The following MYO1B variants were observed in gnomAD, a reference collection of about 807,000 sequenced individuals.
MYO1B encodes the protein unconventional myosin-Ib.
A neutral mutation model predicts 159.7 loss-of-function variants in MYO1B; 72 were observed. The ratio of observed to expected loss-of-function variants is 0.45; its 90% CI spans 0.37 to 0.55. The LOEUF (loss-of-function observed/expected upper bound fraction) is 0.55. Ranked by LOEUF, MYO1B falls within the 20% of genes least tolerant of loss-of-function variation. The probability of loss-of-function intolerance (pLI) is 0.00; values close to 1 mark genes in which losing one functional copy is unlikely to be tolerated. For synonymous variants in MYO1B, 468 were observed against 473.8 expected, an observed-to-expected ratio of 0.99 and a Z score of 0.16; for missense variants, 1,062 against 1,364.8, an observed-to-expected ratio of 0.78 and a Z score of 3.50.
intron 1 of MYO1B, chr2:191,263,715 A>G (rs978153150): frequency 2.0e-5 from 3 of 152,178 alleles, no homozygotes; most frequent in African/African-American, 2.4e-5. Context: ...GGATTTTCCT[A>G]TAGCTTTACA....
At chr2:191,313,529 C>T (rs536289940) in intron 3 of MYO1B, among the ~76,000 whole-genome samples, 87 of 152,050 alleles carry the variant, frequency 5.7e-4, no homozygotes, top group South Asian at 1.0e-3. Flanking sequence ...GGACTACAGG[C>T]GCCCGCCACC....
intron 26 of MYO1B, among the ~76,000 whole-genome samples, chr2:191,409,534 C>G (rs541456907): frequency 6.6e-6 from 1 of 152,288 alleles, no homozygotes; most frequent in South Asian, 2.1e-4. Context: ...ATTTGGACAC[C>G]TTCAGGCAAC....
intron 13 of MYO1B, among the ~76,000 whole-genome samples, chr2:191,379,580 T>G (rs1694922435): frequency 6.6e-6 from 1 of 152,194 alleles, no homozygotes; most frequent in Non-Finnish European, 1.5e-5. Context: ...CACTAGTGCT[T>G]TCCTTTCCTT....
intron 4 of MYO1B, among the ~76,000 whole-genome samples, chr2:191,331,947 G>A (rs184624689): frequency 6.6e-6 from 1 of 152,242 alleles, no homozygotes; most frequent in Admixed American, 6.5e-5. Flanking sequence ...ATTTGGTCCT[G>A]GTTGTAGTGG....
intron 17 of MYO1B, among the ~76,000 whole-genome samples, chr2:191,389,326 G>GTGTA (rs1695598085): frequency 6.6e-6 from 1 of 152,220 alleles, no homozygotes; most frequent in Admixed American, 6.5e-5. Flanking sequence ...AGGACACAGG[G>GTGTA]ATTGCTGCAG....
chr2:191,341,341 C>T (rs1252284566), intron 4 of MYO1B, 120 bp from the exon 5 acceptor site: 2 of 689,978 alleles, frequency 2.9e-6, no homozygotes, highest in Non-Finnish European at 4.9e-6. Context: ...TTATTTACTC[C>T]TCTAGGAATA....
chr2:191,381,361 T>A (rs772852299), intron 13 of MYO1B, 101 bp from the exon 14 acceptor site: 1 of 862,326 alleles, frequency 1.2e-6, no homozygotes, highest in South Asian at 1.4e-5. Flanking sequence ...ATCTGAGAGA[T>A]CATGTGTGGC....
At chr2:191,338,204 C>T (rs563188858) in intron 4 of MYO1B, among the ~76,000 whole-genome samples, 9 of 151,286 alleles carry the variant, frequency 5.9e-5, no homozygotes, top group African/African-American at 2.2e-4. Context: ...GGAGAAAATA[C>T]TAATACCAGC....
At chr2:191,413,973 A>T in intron 27 of MYO1B, 75 bp from the exon 28 acceptor site, 2 of 1,466,526 alleles carry the variant, frequency 1.4e-6, no homozygotes, top group Non-Finnish European at 1.8e-6. Flanking sequence ...CTTAGAATCA[A>T]CTGACCTGTT....
chr2:191,300,999 T>G (rs1238801613), intron 3 of MYO1B, among the ~76,000 whole-genome samples: 4 of 152,220 alleles, frequency 2.6e-5, no homozygotes, highest in Middle Eastern at 3.2e-3. Flanking sequence ...TTATCATTTG[T>G]GGGTCTGTTA....
At chr2:191,344,049 A>G (rs1195548415) in intron 5 of MYO1B, among the ~76,000 whole-genome samples, 1 of 152,188 alleles carries the variant, frequency 6.6e-6, no homozygotes, top group African/African-American at 2.4e-5. Flanking sequence ...TAGCACCCTG[A>G]ATAAAGTTTC....
At chr2:191,326,168 T>C (rs752880378) in intron 3 of MYO1B, among the ~76,000 whole-genome samples, 7 of 152,216 alleles carry the variant, frequency 4.6e-5, no homozygotes, top group Non-Finnish European at 1.0e-4. Context: ...CACAAAATAA[T>C]GTGAAGCATA....
At chr2:191,377,139 A>G (rs1298418264) in intron 13 of MYO1B, among the ~76,000 whole-genome samples, 2 of 152,198 alleles carry the variant, frequency 1.3e-5, no homozygotes, top group Admixed American at 1.3e-4. Context: ...ACTTCTAAAC[A>G]TAGTAAGTGC....
At chr2:191,394,952 A>G (rs1222209220) in intron 20 of MYO1B, among the ~76,000 whole-genome samples, 1 of 152,186 alleles carries the variant, frequency 6.6e-6, no homozygotes, top group East Asian at 1.9e-4. Context: ...TACATACCTC[A>G]ACCAGTTCAC....
intron 6 of MYO1B, among the ~76,000 whole-genome samples, chr2:191,348,868 A>G (rs903143673): frequency 6.6e-6 from 1 of 152,130 alleles, no homozygotes; most frequent in Non-Finnish European, 1.5e-5. Context: ...TGTGACGAGA[A>G]TATCTCAAAG....
rs578210168 is a variant in MYO1B, at chr2:191,304,531, T to C, written c.251+8305T>C. Among the ~76,000 whole-genome samples the C allele has an allele frequency of 2.6e-5, 4 of 152,072 alleles. No homozygotes were observed. The East Asian group carries it at 7.7e-4, about 29-fold the overall frequency. On this transcript the variant is annotated intron_variant, in intron 3 of 30. Coordinates refer to ENST00000392318, the MANE Select transcript of MYO1B (RefSeq NM_001130158.3). ...GTTGCAGTAATCAGAGATCATGCCA[T>C]TGCACTCCAGCCTGGGCAACAAGAG...
Position 191,341,568 on chromosome 2 carries a change from A to G in MYO1B, c.451+3A>G, listed in dbSNP as rs1234305569. 3 of 1,610,546 alleles carry G rather than the reference A, an allele frequency of 1.9e-6. No homozygotes were observed. Among genetic ancestry groups the G allele is most frequent in the Middle Eastern group, 1.6e-4 (1 of 6,076 alleles). On this transcript the variant is annotated splice_donor_region_variant and intron_variant, in intron 5 of 30. Transcript: ENST00000392318. ...ACAGTCCAACCCGGTCCTGGAAGGTAGGATGTGTTATGTTCATTAAGTCGG... is the reference window on the plus strand; with the variant it reads ...ACAGTCCAACCCGGTCCTGGAAGGTGGGATGTGTTATGTTCATTAAGTCGG...
chr2:191,351,528 T>C (rs994532442), intron 7 of MYO1B, among the ~76,000 whole-genome samples: 7 of 152,206 alleles, frequency 4.6e-5, no homozygotes, highest in African/African-American at 1.7e-4. Context: ...ATCTTTAAAA[T>C]GATAGGATTG....
Position 191,312,296 on chromosome 2 carries a change from A to T in MYO1B, c.251+16070A>T, listed in dbSNP as rs560677675. 5.6e-4 allele frequency among the ~76,000 whole-genome samples: 85 copies of T among 151,878 alleles called. 2 individuals carry two copies. The highest frequency in any genetic ancestry group is 4.7e-4 in the Non-Finnish European group (32 of 67,992). On this transcript the variant is annotated intron_variant, in intron 3 of 30. Coordinates refer to ENST00000392318, the MANE Select transcript of MYO1B (RefSeq NM_001130158.3). ...TTTCTGAAATCCCACTGTTTGCTTC[A>T]TTTCTCCTCTTTCACAGACACTCTG...
Sources: allele counts gnomAD v4.1 joint callset (sites outside exome capture counted in the v4.1 genomes callset), GRCh38; gene constraint gnomAD v4.1.1; transcripts MANE v1.5; gene names NCBI Gene and HGNC (gene_info 2026-07-23, HGNC 2026-07-21).